DOCK3: variants seen among roughly 807,000 people sequenced by gnomAD.
DOCK3 encodes the protein dedicator of cytokinesis protein 3.
Under a neutral mutation model 265.6 loss-of-function variants are expected in DOCK3, and 60 were observed. That is an observed-to-expected ratio of 0.23 (90% CI 0.18 to 0.28). The LOEUF (loss-of-function observed/expected upper bound fraction) is 0.28, where lower values mean the gene tolerates loss of function less well. Ranked by LOEUF, DOCK3 falls within the 10% of genes least tolerant of loss-of-function variation. The pLI is 1.00. For missense variants in DOCK3, 1,981 were observed against 2,594.3 expected (o/e 0.76, Z 5.14); for synonymous variants, 881 against 938.0 (o/e 0.94, Z 1.11).
intron 1 of DOCK3, among the ~76,000 whole-genome samples, chr3:50,683,043 C>T (rs1042632055): frequency 3.3e-5 from 5 of 152,208 alleles, no homozygotes; most frequent in South Asian, 2.1e-4. Flanking sequence ...GTTTTACACA[C>T]GTATTTGTAG....
chr3:51,124,160 C>A (rs1339668264), intron 9 of DOCK3, among the ~76,000 whole-genome samples: 1 of 152,280 alleles, frequency 6.6e-6, no homozygotes, highest in East Asian at 1.9e-4. Flanking sequence ...ACCTGTGTAT[C>A]CTCATCTCAG....
intron 46 of DOCK3, 149 bp from the exon 47 acceptor site, chr3:51,360,362 C>T (rs1055444516): frequency 1.1e-5 from 12 of 1,065,308 alleles, no homozygotes; most frequent in Non-Finnish European, 1.5e-5. Flanking sequence ...GGGCATTGCC[C>T]AAAGGAAGTC....
intron 5 of DOCK3, among the ~76,000 whole-genome samples, chr3:51,011,501 T>G (rs1401035523): frequency 2.6e-5 from 4 of 152,190 alleles, no homozygotes; most frequent in African/African-American, 4.8e-5. Flanking sequence ...TTCTCTACAC[T>G]GGTTATTCTA....
intron 23 of DOCK3, among the ~76,000 whole-genome samples, chr3:51,268,949 A>G (rs907016290): frequency 9.9e-5 from 15 of 152,046 alleles, no homozygotes; most frequent in Non-Finnish European, 1.6e-4. Context: ...GCTTTCTGGG[A>G]ACTTTGTAAC....
At chr3:51,280,285 T>G (rs1451470653) in intron 27 of DOCK3, 81 bp downstream of exon 27, 2 of 1,283,888 alleles carry the variant, frequency 1.6e-6, no homozygotes, top group African/African-American at 2.9e-5. Flanking sequence ...GTCAGGGGGA[T>G]GAATGCAAGT....
intron 12 of DOCK3, among the ~76,000 whole-genome samples, chr3:51,208,336 G>T (rs1189039694): frequency 6.6e-6 from 1 of 152,186 alleles, no homozygotes; most frequent in Non-Finnish European, 1.5e-5. Context: ...GCTTTCCATT[G>T]GGGCCAGTCA....
chr3:51,198,610 G>A lies in DOCK3; in HGVS notation c.1038-10164G>A, dbSNP rs79308882. Among the ~76,000 whole-genome samples the A allele has an allele frequency of 1.3e-3, 197 of 151,448 alleles. 1 individual carries two copies. In the East Asian group the frequency reaches 0.032, roughly 25 times the overall value. On this transcript the variant is annotated intron_variant, in intron 12 of 52. Transcript: ENST00000266037. Reference sequence around the variant, plus strand: ...AAAAAAAAAAAACAGGGAAAGGGAGGGATGGAGCTAGTGAGACTATGACTA... The same window carrying A: ...AAAAAAAAAAAACAGGGAAAGGGAGAGATGGAGCTAGTGAGACTATGACTA...
At chr3:51,076,848 C>T (rs540898375) in intron 7 of DOCK3, among the ~76,000 whole-genome samples, 5 of 152,220 alleles carry the variant, frequency 3.3e-5, no homozygotes, top group Admixed American at 2.6e-4. Flanking sequence ...AGTGGCAGTT[C>T]CAGGAAACTA....
Position 51,227,422 on chromosome 3 carries a change from G to T in DOCK3, c.1517G>T (p.Arg506Leu). ...PIDRFRGSHLRFEFRHCSTKD... is the reference protein window; with the variant it reads ...PIDRFRGSHLLFEFRHCSTKD... ...GACCGGTTCCGGGGCTCCCACCTGC[G>T]CTTTGAGTTCAGACATTGTTCCAGT... Residue 506 changes from arginine to leucine, a missense_variant, in exon 16 of 53, where the codon CGC (arginine) becomes CTC (leucine). Arg to Leu is a moderately radical substitution (Grantham distance 102). Coordinates refer to ENST00000266037, the MANE Select transcript of DOCK3 (RefSeq NM_004947.5). 1 of 1,613,696 alleles carries T rather than the reference G, an allele frequency of 6.2e-7. No individual in the cohort carries two copies. Among genetic ancestry groups the T allele is most frequent in the Non-Finnish European group, 8.5e-7 (1 of 1,179,728 alleles).
At chr3:50,903,113 GCAAA>G (rs1018503053) in intron 4 of DOCK3, among the ~76,000 whole-genome samples, 8 of 152,148 alleles carry the variant, frequency 5.3e-5, no homozygotes, top group African/African-American at 1.4e-4. Context: ...CACGTTATCT[GCAAA>G]CAAAGTTAAT....
At chr3:50,922,330 T>C (rs1308050583) in intron 4 of DOCK3, among the ~76,000 whole-genome samples, 1 of 152,038 alleles carries the variant, frequency 6.6e-6, no homozygotes, top group Non-Finnish European at 1.5e-5. Context: ...TGATCGAGGC[T>C]CCGTGGGTGT....
chr3:50,814,145 C>T (rs2043925917), intron 2 of DOCK3, among the ~76,000 whole-genome samples: 1 of 152,150 alleles, frequency 6.6e-6, no homozygotes, highest in African/African-American at 2.4e-5. Context: ...TAATTTTAGA[C>T]TTTTAGAAGA....
chr3:50,679,365 C>A (rs2034222606), intron 1 of DOCK3, among the ~76,000 whole-genome samples: 1 of 152,170 alleles, frequency 6.6e-6, no homozygotes, highest in Admixed American at 6.5e-5. Flanking sequence ...CATTACCAAT[C>A]TGAAGACCTT....
At chr3:51,066,567 T>G (rs1036818230) in intron 6 of DOCK3, among the ~76,000 whole-genome samples, 1 of 152,096 alleles carries the variant, frequency 6.6e-6, no homozygotes. Flanking sequence ...ACCATCTAAT[T>G]AAGTGAGAGG....
intron 5 of DOCK3, among the ~76,000 whole-genome samples, chr3:50,993,524 T>G (rs909856397): frequency 1.3e-5 from 2 of 152,222 alleles, no homozygotes; most frequent in African/African-American, 4.8e-5. Context: ...AACCCTGGAC[T>G]TTCAAAACAA....
At chr3:50,879,731 A>G (rs950600619) in intron 3 of DOCK3, among the ~76,000 whole-genome samples, 1 of 152,036 alleles carries the variant, frequency 6.6e-6, no homozygotes, top group Non-Finnish European at 1.5e-5. Flanking sequence ...ACGAGACAGA[A>G]AGTTAACAAG....
intron 5 of DOCK3, among the ~76,000 whole-genome samples, chr3:51,040,314 C>T (rs1253116031): frequency 3.3e-5 from 5 of 151,940 alleles, no homozygotes; most frequent in Non-Finnish European, 4.4e-5. Flanking sequence ...AATGTGGTTC[C>T]AGATTACTAC....
chr3:51,257,649 ATCT>A (rs943649333), intron 22 of DOCK3, among the ~76,000 whole-genome samples: 1 of 152,086 alleles, frequency 6.6e-6, no homozygotes, highest in Non-Finnish European at 1.5e-5. Flanking sequence ...GGCACGGTGG[ATCT>A]TCTTGGTGAT....
At chr3:51,352,447 T>C (rs1025621614) in intron 40 of DOCK3, among the ~76,000 whole-genome samples, 4 of 152,232 alleles carry the variant, frequency 2.6e-5, no homozygotes, top group Admixed American at 2.0e-4. Context: ...TGGAGCTTTC[T>C]GACAGGTAGG....
Sources: gnomAD v4.1 joint callset for allele counts (sites outside exome capture counted in the v4.1 genomes callset) on GRCh38, gnomAD v4.1.1 for gene constraint, MANE v1.5 for transcripts, NCBI Gene and HGNC (gene_info 2026-07-23, HGNC 2026-07-21) for gene names.